The following FBXL13 variants were observed in gnomAD, a reference collection of about 807,000 sequenced individuals.
FBXL13 encodes the protein F-box and leucine-rich repeat protein 13.
FBXL13 carries 67 observed loss-of-function variants against 83.6 expected under a neutral mutation model. The observed-to-expected ratio is 0.80, with a 90% confidence interval of 0.66 to 0.98. The LOEUF is 0.98. Ranked by LOEUF, FBXL13 falls within the 50% of genes least tolerant of loss-of-function variation. The pLI is 0.00. For missense variants in FBXL13, 822 were observed against 866.5 expected (o/e 0.95, Z 0.64); for synonymous variants, 272 against 299.5 (o/e 0.91, Z 0.95).
chr7:102,931,681 T>C (rs530614607), intron 9 of FBXL13, among the ~76,000 whole-genome samples, 200 bp downstream of exon 10: 14 of 152,350 alleles, frequency 9.2e-5, no homozygotes, highest in African/African-American at 3.4e-4. Flanking sequence ...TGCCAGAGGC[T>C]CCAACACTGA....
At chr7:102,853,691 C>A (rs1805602728) in intron 17 of FBXL13, among the ~76,000 whole-genome samples, 1 of 152,038 alleles carries the variant, frequency 6.6e-6, no homozygotes, top group African/African-American at 2.4e-5. Flanking sequence ...ACAAACAACC[C>A]CATCAAAAAG....
intron 17 of FBXL13, among the ~76,000 whole-genome samples, chr7:102,842,866 A>G (rs898771952): frequency 1.3e-5 from 2 of 152,238 alleles, no homozygotes. Flanking sequence ...CTATGCCTGG[A>G]GCCACTCAAC....
intron 6 of FBXL13, among the ~76,000 whole-genome samples, chr7:103,004,176 TCTG>T (rs1790725299): frequency 6.6e-6 from 1 of 152,220 alleles, no homozygotes; most frequent in African/African-American, 2.4e-5. Context: ...TCTAGCTTGT[TCTG>T]CTTTTTCTAA....
At chr7:102,977,337 C>T (rs1202020709) in intron 6 of FBXL13, among the ~76,000 whole-genome samples, 2 of 152,212 alleles carry the variant, frequency 1.3e-5, no homozygotes, top group Non-Finnish European at 2.9e-5. Context: ...CAGGCTAGCA[C>T]TAGACTACTT....
intron 18 of FBXL13, 91 bp downstream of exon 19, chr7:102,832,749 C>T (rs1800942133): frequency 7.1e-7 from 1 of 1,402,294 alleles, no homozygotes; most frequent in Non-Finnish European, 9.4e-7. Context: ...GCAAAGAGAA[C>T]ATATTCTGAG....
rs572319016 is a variant in FBXL13 at position 102,906,860 on chromosome 7, C to A, written c.1008+6226G>T. 7.9e-5 allele frequency among the ~76,000 whole-genome samples: 12 copies of A among 152,192 alleles called. No homozygotes were observed. The South Asian group carries it at 8.3e-4, about 11-fold the overall frequency. ...GTTAGATCTGCTTGATGTTCTATAA[C>A]CTTCTTGTACTTGGATATTTACATC... On this transcript the variant is annotated intron_variant, in intron 11 of 19. Coordinates refer to ENST00000313221, the Ensembl canonical transcript of FBXL13.
Position 102,884,209 on chromosome 7 carries a change from C to T in FBXL13, c.1107+5G>A, listed in dbSNP as rs1810485929. On this transcript the variant is annotated splice_donor_5th_base_variant and intron_variant, in intron 12 of 19. Transcript: ENST00000313221. ...GAAAAGTAAAGGTACTTCCCAACTACCTACTTTTACACAGTTGTCCGTCAG... is the reference window on the plus strand; with the variant it reads ...GAAAAGTAAAGGTACTTCCCAACTATCTACTTTTACACAGTTGTCCGTCAG... The T allele has an allele frequency of 1.9e-6, 3 of 1,604,770 alleles. No homozygotes were observed. The highest frequency in any genetic ancestry group is 2.6e-6 in the Non-Finnish European group (3 of 1,171,822).
At chr7:103,029,479 C>T (rs1794280029) in intron 2 of FBXL13, 61 bp from the exon 4 acceptor site, 2 of 941,924 alleles carry the variant, frequency 2.1e-6, no homozygotes, top group African/African-American at 1.8e-5. Flanking sequence ...CACAGACTAC[C>T]TCTGCAAGAT....
intron 8 of FBXL13, among the ~76,000 whole-genome samples, chr7:102,940,366 C>T (rs559831507): frequency 3.9e-5 from 6 of 151,938 alleles, no homozygotes; most frequent in East Asian, 1.9e-4. Flanking sequence ...CCCGCCACCA[C>T]GCCCGGCTAA....
At chr7:102,958,289 G>C (rs903392461) in intron 8 of FBXL13, among the ~76,000 whole-genome samples, 2 of 151,030 alleles carry the variant, frequency 1.3e-5, no homozygotes, top group Non-Finnish European at 2.9e-5. Context: ...CACAAGGACA[G>C]AAAACCAAAC....
chr7:102,912,911 G>T (rs952135115), intron 11 of FBXL13, 175 bp downstream of exon 12: 2 of 735,356 alleles, frequency 2.7e-6, no homozygotes, highest in Non-Finnish European at 4.2e-6. Flanking sequence ...GAAGCCAAGA[G>T]CCTATAATAG....
chr7:102,930,955 AGACACATCTCCT>A (rs1819060489), intron 9 of FBXL13, among the ~76,000 whole-genome samples: 1 of 152,188 alleles, frequency 6.6e-6, no homozygotes, highest in Non-Finnish European at 1.5e-5. Context: ...ACAAAGAACA[AGACACATCTCCT>A]GCCCTTTGGG....
chr7:103,062,034 A>AC (rs1318341848), intron 1 of FBXL13, among the ~76,000 whole-genome samples: 1 of 151,168 alleles, frequency 6.6e-6, no homozygotes, highest in Non-Finnish European at 1.5e-5. Context: ...CCAAAAAAAA[A>AC]AAAAAAAAAA....
chr7:102,901,060 T>C (rs1321448208), intron 11 of FBXL13, among the ~76,000 whole-genome samples: 2 of 152,068 alleles, frequency 1.3e-5, no homozygotes, highest in Admixed American at 1.3e-4. Context: ...GGAGGAGAGG[T>C]TGGCAAACAG....
intron 6 of FBXL13, among the ~76,000 whole-genome samples, chr7:103,007,480 T>A (rs1204277708): frequency 2.6e-5 from 4 of 152,108 alleles, no homozygotes; most frequent in Non-Finnish European, 5.9e-5. Context: ...CCTGTCAGCC[T>A]AGAATTCTAT....
chr7:102,957,736 G>T (rs1181815978), intron 8 of FBXL13, among the ~76,000 whole-genome samples: 3 of 152,052 alleles, frequency 2.0e-5, no homozygotes, highest in African/African-American at 7.3e-5. Context: ...GATATGAACA[G>T]ACACTTCTTA....
At chr7:102,890,223 T>C (rs1176528688) in intron 11 of FBXL13, among the ~76,000 whole-genome samples, 1 of 152,214 alleles carries the variant, frequency 6.6e-6, no homozygotes, top group Non-Finnish European at 1.5e-5. Context: ...AATTCCTCTC[T>C]AAAGGAAAAA....
At chr7:102,911,038 G>A (rs1814571756) in intron 11 of FBXL13, among the ~76,000 whole-genome samples, 1 of 152,160 alleles carries the variant, frequency 6.6e-6, no homozygotes, top group Non-Finnish European at 1.5e-5. Context: ...CAGGACTACA[G>A]GCATGAGCCA....
chr7:102,994,291 A>C (rs1262557291), intron 6 of FBXL13, among the ~76,000 whole-genome samples: 3 of 152,058 alleles, frequency 2.0e-5, no homozygotes, highest in African/African-American at 7.2e-5. Flanking sequence ...TCATATCAAG[A>C]TTTAGTAACT....
Sources: gnomAD v4.1 joint callset for allele counts (sites outside exome capture counted in the v4.1 genomes callset) on GRCh38, gnomAD v4.1.1 for gene constraint, MANE v1.5 for transcripts, NCBI Gene and HGNC (gene_info 2026-07-23, HGNC 2026-07-21) for gene names.